ACBD6: variants seen among roughly 807,000 people sequenced by gnomAD.
ACBD6 encodes the protein acyl-CoA binding domain containing 6.
Under a neutral mutation model 37.2 loss-of-function variants are expected in ACBD6, and 28 were observed. That is an observed-to-expected ratio of 0.75 (90% CI 0.56 to 1.03). The LOEUF is 1.03. ACBD6 is among the 50% of genes least tolerant of loss of function. ACBD6 has a pLI of 0.00. For synonymous variants in ACBD6, 113 were observed against 126.8 expected (o/e 0.89, Z 0.73); for missense variants, 340 against 337.4 (o/e 1.01, Z -0.06).
At chr1:180,354,896 T>G (rs1178805831) in intron 6 of ACBD6, among the ~76,000 whole-genome samples, 1 of 152,196 alleles carries the variant, frequency 6.6e-6, no homozygotes, top group Non-Finnish European at 1.5e-5. Context: ...TCCAAGTCAC[T>G]TATGAATTAG....
At chr1:180,283,148 C>G (rs905629912) in intron 8 of ACBD6, among the ~76,000 whole-genome samples, 1 of 151,994 alleles carries the variant, frequency 6.6e-6, no homozygotes, top group African/African-American at 2.4e-5. Context: ...TTAAAAGAGC[C>G]TTTTATTACA....
chr1:180,372,438 G>T (rs1298707196), intron 6 of ACBD6, among the ~76,000 whole-genome samples: 1 of 151,938 alleles, frequency 6.6e-6, no homozygotes, highest in Non-Finnish European at 1.5e-5. Context: ...ACACCTAAAA[G>T]ACTTAATGCT....
chr1:180,468,842 C>G (rs1650450999), intron 3 of ACBD6, among the ~76,000 whole-genome samples: 1 of 152,190 alleles, frequency 6.6e-6, no homozygotes, highest in Admixed American at 6.5e-5. Context: ...ACTGCCTTAT[C>G]CTAGTTTCCA....
chr1:180,365,077 ATAGT>A (rs1419204930), intron 6 of ACBD6, among the ~76,000 whole-genome samples: 6 of 152,174 alleles, frequency 3.9e-5, no homozygotes, highest in Admixed American at 2.6e-4. Context: ...ATTCAAGGTC[ATAGT>A]TAGTGGCAGA....
At chr1:180,304,793 A>C (rs1418308343) in intron 7 of ACBD6, among the ~76,000 whole-genome samples, 1 of 151,056 alleles carries the variant, frequency 6.6e-6, no homozygotes, top group African/African-American at 2.4e-5. Context: ...CCACATTGCC[A>C]AGTCAATCCT....
At chr1:180,285,752 C>A (rs1389283771), downstream of ACBD6, among the ~76,000 whole-genome samples, 1 of 151,866 alleles carries the variant, frequency 6.6e-6, no homozygotes, top group African/African-American at 2.4e-5. Context: ...CTAAGAAATA[C>A]CTATTTAATA....
At position 180,288,479 on chromosome 1, in the gene ACBD6, G is replaced by A; in HGVS notation, c.733C>T (p.Leu245Phe). 1 of 1,613,728 alleles carries A rather than the reference G, an allele frequency of 6.2e-7. No homozygotes were observed. ...CEFLDIVELLLQSGADPTLRD... is the reference protein window; with the variant it reads ...CEFLDIVELLFQSGADPTLRD... ...AGAGTGGGGTCAGCACCAGACTGGA[G>A]CAGCAGCTCTACAATATCCAGAAAC... Residue 245 changes from leucine to phenylalanine, a missense_variant, in exon 8 of 8, where the codon CTC becomes TTC. By Grantham distance (22) the Leu-to-Phe change is conservative (BLOSUM62 0). Coordinates refer to ENST00000367595, the MANE Select transcript of ACBD6 (RefSeq NM_032360.4).
intron 6 of ACBD6, among the ~76,000 whole-genome samples, chr1:180,364,834 A>G (rs944759153): frequency 2.0e-5 from 3 of 151,450 alleles, no homozygotes; most frequent in African/African-American, 7.3e-5. Context: ...CCTGGGTTCA[A>G]GTGATTCTCC....
chr1:180,476,284 A>AT (rs1052030099), intron 3 of ACBD6, among the ~76,000 whole-genome samples: 1 of 152,084 alleles, frequency 6.6e-6, no homozygotes, highest in East Asian at 1.9e-4. Flanking sequence ...GAGGTTGAAA[A>AT]TTTTTTTTGT....
chr1:180,455,902 G>T (rs1649896092), intron 3 of ACBD6, among the ~76,000 whole-genome samples: 1 of 152,100 alleles, frequency 6.6e-6, no homozygotes, highest in Non-Finnish European at 1.5e-5. Context: ...AATGAACCTT[G>T]AAATCTTTTT....
chr1:180,370,230 G>A (rs1045662626), intron 6 of ACBD6, among the ~76,000 whole-genome samples: 19 of 152,166 alleles, frequency 1.2e-4, no homozygotes, highest in Non-Finnish European at 1.2e-4. Flanking sequence ...GGGGTTTAAA[G>A]GGAGGTTGTA....
exon 10 of ACBD6, chr1:180,275,239 T>C (rs562301427): frequency 1.1e-4 from 17 of 152,360 alleles, no homozygotes; most frequent in Non-Finnish European, 2.2e-4. Context: ...ATCTATATCA[T>C]TGACTCTGAT....
At chr1:180,297,734 A>G (rs1649979739) in intron 7 of ACBD6, among the ~76,000 whole-genome samples, 2 of 152,034 alleles carry the variant, frequency 1.3e-5, no homozygotes, top group African/African-American at 4.8e-5. Context: ...TCCCAAAATA[A>G]TTTTATCATT....
chr1:180,351,582 G>GTTTTT (rs59490649), intron 6 of ACBD6, among the ~76,000 whole-genome samples: 1 of 96,990 alleles, frequency 1.0e-5, no homozygotes, highest in Non-Finnish European at 2.2e-5. Context: ...CCGATATTAC[G>GTTTTT]TTTTTTTTTT....
chr1:180,290,366 G>C (rs1440174751), intron 7 of ACBD6, among the ~76,000 whole-genome samples: 1 of 152,042 alleles, frequency 6.6e-6, no homozygotes, highest in Admixed American at 6.6e-5. Context: ...TCTCACTTTG[G>C]GAGTCTCACT....
At chr1:180,349,045 G>GTT (rs112736988) in intron 6 of ACBD6, among the ~76,000 whole-genome samples, 1 of 151,670 alleles carries the variant, frequency 6.6e-6, no homozygotes, top group South Asian at 2.1e-4. Context: ...TTTTTCCTGA[G>GTT]TTTTTTTTAA....
intron 3 of ACBD6, among the ~76,000 whole-genome samples, chr1:180,466,531 C>T (rs548152040): frequency 6.6e-6 from 1 of 152,284 alleles, no homozygotes; most frequent in South Asian, 2.1e-4. Context: ...ACTTTCCCAA[C>T]ACTTGCTTGT....
intron 5 of ACBD6, among the ~76,000 whole-genome samples, chr1:180,407,021 A>T (rs1571467209): frequency 6.6e-6 from 1 of 152,196 alleles, no homozygotes; most frequent in South Asian, 2.1e-4. Context: ...TAGAGCTTTA[A>T]ATGTGATGAA....
At chr1:180,329,516 G>A (rs1651394400) in intron 6 of ACBD6, among the ~76,000 whole-genome samples, 1 of 152,110 alleles carries the variant, frequency 6.6e-6, no homozygotes, top group African/African-American at 2.4e-5. Flanking sequence ...GTCTGGGAAT[G>A]GTCTCACAAC....
Sources: gnomAD v4.1 joint callset for allele counts (sites outside exome capture counted in the v4.1 genomes callset) on GRCh38, gnomAD v4.1.1 for gene constraint, MANE v1.5 for transcripts, NCBI Gene and HGNC (gene_info 2026-07-23, HGNC 2026-07-21) for gene names.